The following NAALAD2 variants were observed in gnomAD, a reference collection of about 807,000 sequenced individuals.
NAALAD2 encodes the protein N-acetylated alpha-linked acidic dipeptidase 2, also known as N-acetylated-alpha-linked acidic dipeptidase 2.
Under a neutral mutation model 95.6 loss-of-function variants are expected in NAALAD2, and 89 were observed. That is an observed-to-expected ratio of 0.93 (90% CI 0.78 to 1.11). The LOEUF (loss-of-function observed/expected upper bound fraction) is 1.11, where lower values mean the gene tolerates loss of function less well. NAALAD2 is among the 50% of genes least tolerant of loss of function. The pLI, the probability that NAALAD2 is intolerant of heterozygous loss-of-function variation, is 0.00. For missense variants in NAALAD2, 894 were observed against 872.4 expected, an observed-to-expected ratio of 1.02 and a Z score of -0.31; for synonymous variants, 264 against 294.4, an observed-to-expected ratio of 0.90 and a Z score of 1.06.
intron 13 of NAALAD2, among the ~76,000 whole-genome samples, chr11:90,172,716 G>A (rs57594103): frequency 0.02 from 3,092 of 152,208 alleles, 91 homozygotes; most frequent in African/African-American, 0.069. Flanking sequence ...AGGTCCAAGA[G>A]GGTAGAGACT....
intron 15 of NAALAD2, 66 bp from the exon 16 acceptor site, chr11:90,177,787 A>T (rs1190770817): frequency 5.5e-5 from 76 of 1,394,400 alleles, no homozygotes; most frequent in Non-Finnish European, 7.3e-5. Flanking sequence ...TTTTATGCTT[A>T]CATAAAAATA....
chr11:90,181,168 A>G (rs965826378), intron 16 of NAALAD2, among the ~76,000 whole-genome samples: 4 of 152,110 alleles, frequency 2.6e-5, no homozygotes, highest in Non-Finnish European at 2.9e-5. Context: ...GTATCTGGTT[A>G]TATCAGTTTG....
chr11:90,144,194 C>T (rs960188277), intron 2 of NAALAD2, among the ~76,000 whole-genome samples: 2 of 152,130 alleles, frequency 1.3e-5, no homozygotes, highest in Non-Finnish European at 2.9e-5. Flanking sequence ...GAGCCCCCAA[C>T]TTTAATGAAT....
At chr11:90,183,995 A>G (rs1487243759) in intron 18 of NAALAD2, among the ~76,000 whole-genome samples, 1 of 152,100 alleles carries the variant, frequency 6.6e-6, no homozygotes, top group Admixed American at 6.6e-5. Context: ...CATTTTCTCA[A>G]GGTCCTTCTA....
rs866117625 is a variant in NAALAD2, at chr11:90,186,811, A to C, written c.2033+3803A>C. Among the ~76,000 whole-genome samples, 1,344 of 143,788 alleles carry C rather than the reference A, an allele frequency of 9.3e-3. 23 individuals are homozygous for C. Among genetic ancestry groups the C allele is most frequent in the African/African-American group, 0.033 (1,276 of 38,632 alleles). The allele number at this position is 143,788 out of a possible 152,430, so 94.3% of individuals were successfully genotyped here. On this transcript the variant is annotated intron_variant, in intron 18 of 18. Coordinates refer to ENST00000534061, the MANE Select transcript of NAALAD2 (RefSeq NM_005467.4). ...ACACCAAAAGCAATGGCAACAAAAG[A>C]CAAAATTGACAAATGGGATCTAATT...
chr11:90,132,320 G>T (rs1282122267), upstream of NAALAD2: 1 of 152,236 alleles, frequency 6.6e-6, no homozygotes, highest in Admixed American at 6.6e-5. Flanking sequence ...ACTTCAATTA[G>T]CAATAAAAAA....
upstream of NAALAD2, among the ~76,000 whole-genome samples, chr11:90,134,051 G>C (rs760816873): frequency 1.2e-4 from 19 of 152,146 alleles, no homozygotes; most frequent in Non-Finnish European, 2.6e-4. Context: ...TTAGCATTAA[G>C]AACAGACTCT....
intron 7 of NAALAD2, 33 bp from the exon 8 acceptor site, chr11:90,159,206 C>A (rs995845868): frequency 1.4e-6 from 2 of 1,480,436 alleles, no homozygotes; most frequent in Admixed American, 3.4e-5. Flanking sequence ...ATTGTGGTAG[C>A]CTTTTTCTGT....
Position 90,177,849 on chromosome 11 carries a change from TCAGAAA to T in NAALAD2, c.1594-3_1596del. On this transcript the variant is annotated splice_acceptor_variant and splice_polypyrimidine_tract_variant and coding_sequence_variant and intron_variant, in exon 16 of 19. Transcript: ENST00000534061. LOFTEE classifies it high-confidence loss of function. ...TTATACTTGCCTCTCCATTTTTTTT[TCAGAAA>T]ACAGATAAGTACAGCAGCTACCCAG... 1.3e-6 allele frequency: 2 copies of T among 1,594,554 alleles called. No homozygotes were observed. The highest frequency in any genetic ancestry group is 1.8e-5 in the Admixed American group (1 of 55,330).
rs201217402 is a variant in NAALAD2, at chr11:90,147,362, C to T, written c.227C>T (p.Thr76Ile). ...ACAAAGCTTCCTCATCTGGCAGGAA[C>T]AGAACAAAATTTCTTGCTTGCCAAG... ...SFTKLPHLAGTEQNFLLAKKI... is the reference protein window; with the variant it reads ...SFTKLPHLAGIEQNFLLAKKI... The change falls in exon 3 of 19, where the codon ACA becomes ATA. Residue 76 changes from threonine (T) to isoleucine (I), a missense_variant. By Grantham distance (89) the Thr-to-Ile change is moderately conservative. Coordinates refer to ENST00000534061, the MANE Select transcript of NAALAD2 (RefSeq NM_005467.4). 859 of 1,613,816 alleles carry T rather than the reference C, an allele frequency of 5.3e-4. 8 individuals are homozygous for T. In the South Asian group the frequency reaches 8.8e-3, roughly 17 times the overall value.
chr11:90,169,509 AAAAAAAAAAAAG>A (rs1760115649), intron 12 of NAALAD2: 1 of 143,962 alleles, frequency 6.9e-6, no homozygotes, highest in Non-Finnish European at 1.5e-5. Context: ...CTGACTCTCA[AAAAAAAAAAAAG>A]AAAAAGAAAA....
At chr11:90,183,280 T>G (rs1857022038) in intron 18 of NAALAD2, among the ~76,000 whole-genome samples, 1 of 152,192 alleles carries the variant, frequency 6.6e-6, no homozygotes. Context: ...TTAAAGGGAA[T>G]TTTAGAGCTT....
At position 90,178,109 on chromosome 11, in the gene NAALAD2, T is replaced by G; in HGVS notation, c.1850T>G (p.Val617Gly). ...GATCAACAATTGACAGACCATGGAG[T>G]ATCATTTGGTAAGAAATAGTTGGGC... ...KHDQQLTDHG[V>G]SFDSLFSAVK... Residue 617 changes from valine (V) to glycine (G), a missense_variant, in exon 16 of 19, where the codon GTA becomes GGA. Transcript: ENST00000534061. The G allele has an allele frequency of 6.2e-7, 1 of 1,606,700 alleles. No homozygotes were observed. The highest frequency in any genetic ancestry group is 8.5e-7 in the Non-Finnish European group (1 of 1,177,572).
intron 5 of NAALAD2, 41 bp downstream of exon 5, chr11:90,150,648 T>C (rs746245521): frequency 1.4e-5 from 20 of 1,431,442 alleles, no homozygotes; most frequent in Admixed American, 2.2e-5. Context: ...TGAGAGGATA[T>C]ATATATTCTG....
chr11:90,169,996 A>C lies in NAALAD2; in HGVS notation c.1343-73A>C, dbSNP rs1952585802. The C allele has an allele frequency of 3.3e-6, 3 of 917,372 alleles. No individual in the cohort carries two copies. In the East Asian group the frequency reaches 7.2e-5, roughly 22 times the overall value. The allele number at this position is 917,372 out of a possible 1,614,324, so 56.8% of individuals were successfully genotyped here. On this transcript the variant is annotated intron_variant, in intron 12 of 18. Coordinates refer to ENST00000534061, the MANE Select transcript of NAALAD2 (RefSeq NM_005467.4). ...TATATCTTGTTTAAAATTAGAAAAT[A>C]AAGTTAGAATTAAACAAATGGAATT...
intron 8 of NAALAD2, among the ~76,000 whole-genome samples, chr11:90,160,224 C>G (rs1952257211): frequency 1.3e-5 from 2 of 151,902 alleles, no homozygotes; most frequent in African/African-American, 4.8e-5. Flanking sequence ...AAAAGTTTAC[C>G]ACTGGGTAAA....
At chr11:90,180,084 TGAA>T (rs1952916183) in intron 16 of NAALAD2, among the ~76,000 whole-genome samples, 1 of 151,792 alleles carries the variant, frequency 6.6e-6, no homozygotes, top group Non-Finnish European at 1.5e-5. Context: ...AATGAATGAA[TGAA>T]TGAATGAATA....
At chr11:90,174,030 A>G in intron 14 of NAALAD2, 115 bp downstream of exon 14, 1 of 786,960 alleles carries the variant, frequency 1.3e-6, no homozygotes, top group South Asian at 1.7e-5. Context: ...TGAGCCAAGA[A>G]AAGATAATGA....
chr11:90,158,464 C>A (rs1952188188), intron 7 of NAALAD2: 1 of 420,472 alleles, frequency 2.4e-6, no homozygotes, highest in Non-Finnish European at 4.2e-6. Flanking sequence ...AAATGAAATT[C>A]TCAAATACAA....
Sources: gnomAD v4.1 joint callset for allele counts (sites outside exome capture counted in the v4.1 genomes callset) on GRCh38, gnomAD v4.1.1 for gene constraint, MANE v1.5 for transcripts, NCBI Gene and HGNC (gene_info 2026-07-23, HGNC 2026-07-21) for gene names.